Variants in XKR9 observed in about 807,000 individuals in gnomAD.
XKR9 encodes XK related 9, also known as XK-related protein 9.
XKR9 carries 32 observed loss-of-function variants against 32.0 expected under a neutral mutation model. That is an observed-to-expected ratio of 1.00 (90% confidence interval 0.76 to 1.34). The LOEUF is 1.34. Among genes scored for constraint, XKR9 ranks in the 40% most tolerant of loss-of-function variants. The probability of loss-of-function intolerance (pLI) is 0.00; values close to 1 mark genes in which losing one functional copy is unlikely to be tolerated. For missense variants in XKR9, 546 were observed against 429.7 expected (o/e 1.27, Z -2.39); for synonymous variants, 168 against 143.4 (o/e 1.17, Z -1.22).
the XKR9 span, among the ~76,000 whole-genome samples, chr8:70,842,547 T>TACGCACACACACACAC: frequency 2.1e-4 from 31 of 149,134 alleles, no homozygotes; most frequent in Admixed American, 6.7e-5. Context: ...CATCATTATT[T>TACGCACACACACACAC]ACACACACAC....
At chr8:70,688,885 A>G (rs1316982031) in intron 3 of XKR9, among the ~76,000 whole-genome samples, 1 of 152,316 alleles carries the variant, frequency 6.6e-6, no homozygotes, top group East Asian at 1.9e-4. Context: ...TGAATCAAAT[A>G]TTTAATGTAA....
chr8:70,735,925 C>A lies in XKR9; in HGVS notation c.*1501C>A, dbSNP rs1055875565. The A allele has an allele frequency of 3.4e-4, 52 of 151,776 alleles. No individual in the cohort carries two copies. Among genetic ancestry groups the A allele is most frequent in the Non-Finnish European group, 6.3e-4 (43 of 67,934 alleles). 9.4% of individuals were successfully genotyped at this position (151,776 alleles called of 1,614,324 possible). ...TGTGAATAGTGCTGCAATAAACATA[C>A]GTGTGCATGTGTCTTTATAGCAGCA... On this transcript the variant is annotated 3_prime_UTR_variant, in exon 5 of 5. Transcript: ENST00000408926.
the XKR9 span, among the ~76,000 whole-genome samples, chr8:70,947,813 T>C: frequency 6.6e-6 from 1 of 152,220 alleles, no homozygotes; most frequent in Non-Finnish European, 1.5e-5. Context: ...TGTGTTAAAA[T>C]AATCACTCCA....
the XKR9 span, among the ~76,000 whole-genome samples, chr8:70,860,079 AC>A: frequency 3.3e-5 from 5 of 152,304 alleles, no homozygotes; most frequent in African/African-American, 1.2e-4. Flanking sequence ...TATACATGCA[AC>A]AAAAAATCAC....
chr8:70,871,017 A>G, the XKR9 span, among the ~76,000 whole-genome samples: 1 of 152,246 alleles, frequency 6.6e-6, no homozygotes, highest in South Asian at 2.1e-4. Context: ...TATATTCTCC[A>G]GAATTGTACT....
intron 3 of XKR9, among the ~76,000 whole-genome samples, chr8:70,700,467 G>T (rs894812205): frequency 1.3e-5 from 2 of 152,260 alleles, no homozygotes; most frequent in East Asian, 1.9e-4. Flanking sequence ...TGTTTGCCTG[G>T]GTATCAGCAG....
At chr8:70,916,850 T>TCTTTTTTTTTTTTAC in the XKR9 span, among the ~76,000 whole-genome samples, 1 of 151,922 alleles carries the variant, frequency 6.6e-6, no homozygotes, top group Admixed American at 6.6e-5. Flanking sequence ...CAATACTTTA[T>TCTTTTTTTTTTTTAC]ATCTTTCTGT....
chr8:70,704,169 G>A (rs1805639371), intron 3 of XKR9, among the ~76,000 whole-genome samples: 1 of 151,812 alleles, frequency 6.6e-6, no homozygotes, highest in South Asian at 2.1e-4. Flanking sequence ...GCGACAGAGG[G>A]AGACTCCATC....
the XKR9 span, among the ~76,000 whole-genome samples, chr8:70,802,854 C>A: frequency 6.6e-6 from 1 of 152,202 alleles, no homozygotes; most frequent in Non-Finnish European, 1.5e-5. Flanking sequence ...TTGTAGGCAG[C>A]CTGCCCCTTC....
chr8:70,794,885 A>G (rs780795987), downstream of XKR9, among the ~76,000 whole-genome samples: 6 of 150,830 alleles, frequency 4.0e-5, no homozygotes, highest in African/African-American at 1.2e-4. Context: ...GGATAATACT[A>G]TCCTCACACA....
chr8:70,849,899 C>A, the XKR9 span, among the ~76,000 whole-genome samples: 2 of 152,018 alleles, frequency 1.3e-5, no homozygotes, highest in African/African-American at 4.8e-5. Flanking sequence ...GACACATACA[C>A]CCTCCCAAAA....
At position 70,754,134 on chromosome 8, in the gene XKR9, G is replaced by A. The variant is rs544616484; in HGVS notation, n.353-35205G>A. Among the ~76,000 whole-genome samples the A allele has an allele frequency of 3.4e-5, 4 of 116,308 alleles. No homozygotes were observed. In the East Asian group the frequency reaches 8.9e-4, roughly 26 times the overall value. The allele number at this position is 116,308 out of a possible 152,430, so 76.3% of individuals were successfully genotyped here. A position where few individuals can be genotyped will look rare whatever the true frequency, so the allele number is the denominator to read the frequency against. On this transcript the variant is annotated intron_variant and non_coding_transcript_variant, in intron 2 of 3. Coordinates refer to the XKR9 transcript ENST00000520273. The stretch of plus-strand genomic sequence containing the variant: ...TATACACCAATAACAGACAAACAGA[G>A]AGCCAAATCATGAGCAAACTCCCAT...
the XKR9 span, among the ~76,000 whole-genome samples, chr8:70,858,525 A>T: frequency 6.6e-6 from 1 of 152,160 alleles, no homozygotes; most frequent in African/African-American, 2.4e-5. Flanking sequence ...ATTGATATGT[A>T]ACCACAAAAG....
At chr8:70,785,515 C>A (rs1457852439) in intron 2 of XKR9, among the ~76,000 whole-genome samples, 2 of 150,624 alleles carry the variant, frequency 1.3e-5, no homozygotes, top group South Asian at 4.2e-4. Context: ...TTTATTTCTC[C>A]TCTGATCTTT....
chr8:70,729,199 C>G (rs1806578649), intron 4 of XKR9, among the ~76,000 whole-genome samples: 1 of 152,100 alleles, frequency 6.6e-6, no homozygotes, highest in South Asian at 2.1e-4. Context: ...GGCACTTATG[C>G]AAATAACTAT....
At chr8:70,801,919 CTTCTTT>C in the XKR9 span, among the ~76,000 whole-genome samples, 1 of 151,064 alleles carries the variant, frequency 6.6e-6, no homozygotes, top group African/African-American at 2.4e-5. Flanking sequence ...GTGTAATGCT[CTTCTTT>C]TTCTTTTTCT....
intron 4 of XKR9, among the ~76,000 whole-genome samples, chr8:70,723,230 G>A (rs569806688): frequency 6.6e-5 from 10 of 152,090 alleles, no homozygotes; most frequent in South Asian, 2.1e-4. Flanking sequence ...GCTTCCTTGC[G>A]TTGCATTAAA....
At chr8:70,833,951 C>T in the XKR9 span, among the ~76,000 whole-genome samples, 1 of 152,106 alleles carries the variant, frequency 6.6e-6, no homozygotes, top group Non-Finnish European at 1.5e-5. Flanking sequence ...TAAAGATTAT[C>T]ATGTAATAAT....
At chr8:70,790,909 C>T (rs1379419203), downstream of XKR9, among the ~76,000 whole-genome samples, 2 of 151,964 alleles carry the variant, frequency 1.3e-5, no homozygotes, top group Non-Finnish European at 2.9e-5. Context: ...TAAATGGTGC[C>T]TTCTTGCTGT....
Sources: allele counts gnomAD v4.1 joint callset (sites outside exome capture counted in the v4.1 genomes callset), GRCh38; gene constraint gnomAD v4.1.1; transcripts MANE v1.5; gene names NCBI Gene and HGNC (gene_info 2026-07-23, HGNC 2026-07-21).